Variants in ARHGAP32 observed in about 807,000 individuals in gnomAD.
The protein encoded by ARHGAP32 is rho GTPase-activating protein 32.
Under a neutral mutation model 186.5 loss-of-function variants are expected in ARHGAP32, and 51 were observed. The ratio of observed to expected loss-of-function variants is 0.27; its 90% CI spans 0.22 to 0.35. ARHGAP32 has a LOEUF of 0.35. Among genes scored for constraint, ARHGAP32 ranks in the 10% least tolerant of loss-of-function variants. The pLI is 1.00. For synonymous variants in ARHGAP32, 950 were observed against 964.3 expected (o/e 0.99, Z 0.27); for missense variants, 2,186 against 2,623.5 (o/e 0.83, Z 3.64).
intron 1 of ARHGAP32, among the ~76,000 whole-genome samples, chr11:129,251,128 T>C (rs971581780): frequency 6.6e-6 from 1 of 152,212 alleles, no homozygotes; most frequent in African/African-American, 2.4e-5. Context: ...GGATCCTATC[T>C]TGATGAGGCA....
Position 128,973,087 on chromosome 11 carries a change from G to C in ARHGAP32, c.3419C>G (p.Ala1140Gly). The change falls in exon 22 of 23, where the codon GCT (alanine) becomes GGT (glycine). Residue 1140 changes from alanine to glycine, a missense_variant. Around this residue, in one of 5 missense-constraint regions of ARHGAP32, gnomAD observed 1,502 missense variants for 1,570.0 expected, o/e 0.96. Coordinates refer to ENST00000682385, the MANE Select transcript of ARHGAP32 (RefSeq NM_001378024.1). ...GTTGGAATGGGTAGGATCCCCAGTA[G>C]CTGTTGTCTCTGGTAGAGGATGGTC... Reference protein sequence around the residue: ...NCDHPLPETTATGDPTHSNTT... With the variant: ...NCDHPLPETTGTGDPTHSNTT... The C allele has an allele frequency of 6.2e-7, 1 of 1,614,190 alleles. No homozygotes were observed. The highest frequency in any genetic ancestry group is 8.5e-7 in the Non-Finnish European group (1 of 1,180,046).
chr11:129,077,674 C>A (rs754230130), intron 6 of ARHGAP32, among the ~76,000 whole-genome samples: 4 of 152,112 alleles, frequency 2.6e-5, no homozygotes, highest in Non-Finnish European at 4.4e-5. Flanking sequence ...CCTAACGCTA[C>A]CCCCACCTGA....
At chr11:129,222,646 C>T (rs1944727097) in intron 1 of ARHGAP32, among the ~76,000 whole-genome samples, 1 of 152,138 alleles carries the variant, frequency 6.6e-6, no homozygotes, top group Non-Finnish European at 1.5e-5. Context: ...CCTGGGAAAA[C>T]CTGTTGTCAC....
chr11:129,264,432 C>T (rs181421956), intron 1 of ARHGAP32, among the ~76,000 whole-genome samples: 1 of 152,204 alleles, frequency 6.6e-6, no homozygotes, highest in Non-Finnish European at 1.5e-5. Flanking sequence ...AAGTAACTAC[C>T]TCATGGGGGC....
chr11:129,038,887 C>CG (rs1939472081), intron 11 of ARHGAP32, among the ~76,000 whole-genome samples: 1 of 42,376 alleles, frequency 2.4e-5, no homozygotes, highest in Non-Finnish European at 4.5e-5. Flanking sequence ...GACCCTGTCT[C>CG]GAAAAAAAAA....
intron 1 of ARHGAP32, among the ~76,000 whole-genome samples, chr11:129,171,072 C>T (rs1203527504): frequency 6.6e-6 from 1 of 152,150 alleles, no homozygotes; most frequent in African/African-American, 2.4e-5. Context: ...GATATTAGAC[C>T]TTTGTCAGAA....
chr11:129,030,553 A>G (rs1397560810), intron 11 of ARHGAP32: 1 of 152,052 alleles, frequency 6.6e-6, no homozygotes, highest in Non-Finnish European at 1.5e-5. Context: ...CTTCTCACAC[A>G]TGCACTTAAC....
intron 1 of ARHGAP32, among the ~76,000 whole-genome samples, chr11:129,180,478 T>C (rs552677055): frequency 6.6e-6 from 1 of 152,270 alleles, no homozygotes; most frequent in South Asian, 2.1e-4. Flanking sequence ...TTGTAGACTT[T>C]ATTATATGTG....
Position 128,965,635 on chromosome 11 carries a change from T to A in ARHGAP32, c.*3272A>T, listed in dbSNP as rs1441195815. ...GTAACACACAGTGCTGAAAATCACA[T>A]GCCTCTAACCATGTGGAAGAAGTAA... On this transcript the variant is annotated 3_prime_UTR_variant, in exon 23 of 23. Transcript: ENST00000682385. The A allele has an allele frequency of 6.6e-6, 1 of 152,250 alleles. No homozygotes were observed. The allele number at this position is 152,250 out of a possible 1,614,324, so 9.4% of individuals were successfully genotyped here. A position where few individuals can be genotyped will look rare whatever the true frequency, so the allele number is the denominator to read the frequency against.
chr11:129,216,092 G>T (rs1455115463), intron 1 of ARHGAP32, among the ~76,000 whole-genome samples: 1 of 152,072 alleles, frequency 6.6e-6, no homozygotes, highest in Non-Finnish European at 1.5e-5. Flanking sequence ...TCTGGAGCGA[G>T]CACAACCCTG....
chr11:129,276,248 A>G (rs1454827183), intron 1 of ARHGAP32, among the ~76,000 whole-genome samples: 1 of 152,212 alleles, frequency 6.6e-6, no homozygotes, highest in Non-Finnish European at 1.5e-5. Flanking sequence ...CAGAGCACAG[A>G]ATTTTGGAAC....
chr11:129,024,086 TC>T (rs1231260965), intron 11 of ARHGAP32: 1 of 985,402 alleles, frequency 1.0e-6, no homozygotes, highest in Non-Finnish European at 1.2e-6. Flanking sequence ...GCAGCAGTTT[TC>T]TTGGCCCTGT....
chr11:129,263,032 T>C (rs767727257), intron 1 of ARHGAP32, among the ~76,000 whole-genome samples: 2 of 152,162 alleles, frequency 1.3e-5, no homozygotes, highest in Non-Finnish European at 2.9e-5. Context: ...CTGAGAAACC[T>C]GGATATTCAC....
At chr11:129,120,881 G>A (rs937465979) in intron 5 of ARHGAP32, among the ~76,000 whole-genome samples, 2 of 152,100 alleles carry the variant, frequency 1.3e-5, no homozygotes, top group Non-Finnish European at 1.5e-5. Flanking sequence ...CCAATTGACA[G>A]TATGAATAAC....
chr11:129,233,393 C>T (rs970952541), intron 1 of ARHGAP32, among the ~76,000 whole-genome samples: 1 of 152,036 alleles, frequency 6.6e-6, no homozygotes, highest in African/African-American at 2.4e-5. Context: ...TTTGACCTAA[C>T]CAACTCACAG....
At chr11:129,083,640 C>T (rs938231022) in intron 6 of ARHGAP32, among the ~76,000 whole-genome samples, 8 of 152,050 alleles carry the variant, frequency 5.3e-5, no homozygotes, top group African/African-American at 1.9e-4. Context: ...GATGGGTACA[C>T]CAAAATTTCA....
chr11:129,165,830 C>T (rs937816895), intron 1 of ARHGAP32, among the ~76,000 whole-genome samples: 1 of 151,584 alleles, frequency 6.6e-6, no homozygotes, highest in Non-Finnish European at 1.5e-5. Flanking sequence ...TCAGGGCAAC[C>T]AACTAGTTTA....
intron 2 of ARHGAP32, among the ~76,000 whole-genome samples, chr11:129,158,077 A>G (rs1387542767): frequency 6.6e-6 from 1 of 152,218 alleles, no homozygotes; most frequent in Admixed American, 6.5e-5. Flanking sequence ...TTAAGGAAGC[A>G]CTACATATGG....
At chr11:129,256,719 C>T (rs563179126) in intron 1 of ARHGAP32, among the ~76,000 whole-genome samples, 4 of 152,150 alleles carry the variant, frequency 2.6e-5, no homozygotes, top group African/African-American at 4.8e-5. Flanking sequence ...AATATCATAA[C>T]GGGCATGTAA....
Sources: gnomAD v4.1 joint callset for allele counts (sites outside exome capture counted in the v4.1 genomes callset) on GRCh38, gnomAD v4.1.1 for gene constraint, gnomAD v4.1.1 regional missense constraint, MANE v1.5 for transcripts, NCBI Gene and HGNC (gene_info 2026-07-23, HGNC 2026-07-21) for gene names.